Variants in LUZP2 observed in about 807,000 individuals in gnomAD.
LUZP2 encodes leucine zipper protein 2.
LUZP2 carries 52 observed loss-of-function variants against 51.6 expected under a neutral mutation model. That is an observed-to-expected ratio of 1.01 (90% CI 0.81 to 1.27). The LOEUF (loss-of-function observed/expected upper bound fraction) is 1.27. LUZP2 is among the 50% of genes most tolerant of loss of function. LUZP2 has a pLI of 0.00. For synonymous variants in LUZP2, 154 were observed against 137.3 expected (o/e 1.12, Z -0.85); for missense variants, 436 against 395.4 (o/e 1.10, Z -0.87).
At chr11:24,814,137 C>A (rs780199109) in intron 5 of LUZP2, among the ~76,000 whole-genome samples, 42 of 152,166 alleles carry the variant, frequency 2.8e-4, no homozygotes, top group Non-Finnish European at 4.9e-4. Context: ...ACTTTCCCAC[C>A]ATCTTTCTCT....
chr11:24,933,953 T>C (rs1854525351), intron 7 of LUZP2, among the ~76,000 whole-genome samples: 1 of 152,098 alleles, frequency 6.6e-6, no homozygotes, highest in African/African-American at 2.4e-5. Context: ...AAGTACCTTC[T>C]TAAGGGCAAG....
chr11:24,711,236 T>G (rs1027944340), intron 1 of LUZP2, among the ~76,000 whole-genome samples: 2 of 151,954 alleles, frequency 1.3e-5, no homozygotes, highest in Admixed American at 1.3e-4. Flanking sequence ...GATCACGAGG[T>G]CAGGAGATCG....
intron 1 of LUZP2, among the ~76,000 whole-genome samples, chr11:24,668,242 TAAAAC>T (rs892400888): frequency 4.6e-5 from 7 of 152,158 alleles, no homozygotes; most frequent in African/African-American, 1.2e-4. Context: ...TGTTTGGAAA[TAAAAC>T]AAACTAATCT....
intron 7 of LUZP2, among the ~76,000 whole-genome samples, chr11:24,933,800 T>C (rs1285798378): frequency 2.0e-5 from 3 of 152,196 alleles, no homozygotes; most frequent in African/African-American, 4.8e-5. Context: ...GAGGGTTGAG[T>C]CCGAAAAGAG....
At chr11:24,908,425 A>G (rs1853526489) in intron 6 of LUZP2, among the ~76,000 whole-genome samples, 1 of 152,200 alleles carries the variant, frequency 6.6e-6, no homozygotes, top group Non-Finnish European at 1.5e-5. Context: ...CTACTTTTTC[A>G]TCGTCCTTGT....
intron 1 of LUZP2, among the ~76,000 whole-genome samples, chr11:24,667,484 A>G (rs1354502822): frequency 6.6e-6 from 1 of 151,998 alleles, no homozygotes; most frequent in Non-Finnish European, 1.5e-5. Context: ...CGCGTCCACC[A>G]CATGTTCTTA....
intron 1 of LUZP2, among the ~76,000 whole-genome samples, chr11:24,697,553 A>T (rs1366991624): frequency 6.6e-6 from 1 of 152,148 alleles, no homozygotes; most frequent in Non-Finnish European, 1.5e-5. Flanking sequence ...CCATGGAAGA[A>T]ATTTAGTTTG....
chr11:24,807,744 T>C (rs1315741239), intron 5 of LUZP2, among the ~76,000 whole-genome samples: 1 of 152,066 alleles, frequency 6.6e-6, no homozygotes, highest in Non-Finnish European at 1.5e-5. Context: ...AGAACTCCTC[T>C]AGAATGAGGG....
At chr11:24,984,316 T>G (rs1164489208) in intron 9 of LUZP2, among the ~76,000 whole-genome samples, 1 of 151,230 alleles carries the variant, frequency 6.6e-6, no homozygotes, top group Non-Finnish European at 1.5e-5. Context: ...AAATGCTATT[T>G]TCAGGATGGA....
chr11:24,566,940 CATAAATATATATATATATTT>C (rs1852261159), intron 1 of LUZP2, among the ~76,000 whole-genome samples: 1 of 3,278 alleles, frequency 3.1e-4, no homozygotes, highest in African/African-American at 1.2e-3. Flanking sequence ...TATATATATA[CATAAATATATATATATATTT>C]ATATATAAAT....
intron 6 of LUZP2, among the ~76,000 whole-genome samples, chr11:24,912,345 G>A (rs1020205286): frequency 1.3e-5 from 2 of 151,832 alleles, no homozygotes; most frequent in African/African-American, 4.8e-5. Flanking sequence ...AGAAATATCT[G>A]TGAAAAAACT....
At chr11:24,719,446 T>C (rs1858178153) in intron 1 of LUZP2, among the ~76,000 whole-genome samples, 1 of 152,128 alleles carries the variant, frequency 6.6e-6, no homozygotes. Flanking sequence ...CCTGCTGAAG[T>C]CAACAGAAAA....
intron 5 of LUZP2, among the ~76,000 whole-genome samples, chr11:24,870,490 G>GACAC (rs202205920): frequency 0.044 from 6,410 of 145,642 alleles, 181 homozygotes; most frequent in African/African-American, 0.069. Context: ...CACACACACA[G>GACAC]ACACACACAC....
rs116821457 is a variant in LUZP2 at position 25,077,365 on chromosome 11, C to T, written c.895C>T (p.Pro299Ser). 0.028 allele frequency: 45,520 copies of T among 1,612,406 alleles called. 802 individuals are homozygous for T. Among genetic ancestry groups the T allele is most frequent in the Middle Eastern group, 0.082 (494 of 6,056 alleles). The change falls in exon 11 of 12, where the codon CCC becomes TCC. Residue 299 changes from proline (P) to serine (S), a missense_variant. Transcript: ENST00000336930. ...GTGTTCCATGAAGCACAAAGAAAGT[C>T]CCCCAAGTAATGCCACTGCAGAAAC... ...RPCSMKHKES[P>S]PSNATAETEP...
At chr11:24,659,250 G>T (rs1354631805) in intron 1 of LUZP2, among the ~76,000 whole-genome samples, 4 of 152,270 alleles carry the variant, frequency 2.6e-5, no homozygotes, top group Middle Eastern at 3.4e-3. Flanking sequence ...CATAAAAAAT[G>T]ATGAGTTCAT....
At chr11:24,688,484 T>C (rs1270826962) in intron 1 of LUZP2, among the ~76,000 whole-genome samples, 1 of 152,174 alleles carries the variant, frequency 6.6e-6, no homozygotes, top group Non-Finnish European at 1.5e-5. Context: ...AGTAGACATT[T>C]GAGATTTTTG....
chr11:25,038,149 C>G (rs1192285039), intron 9 of LUZP2, among the ~76,000 whole-genome samples: 1 of 152,058 alleles, frequency 6.6e-6, no homozygotes, highest in Non-Finnish European at 1.5e-5. Context: ...GCCAATGAGT[C>G]ATAGATTTTG....
At chr11:24,679,716 A>G (rs1299188134) in intron 1 of LUZP2, among the ~76,000 whole-genome samples, 3 of 152,194 alleles carry the variant, frequency 2.0e-5, no homozygotes, top group Non-Finnish European at 4.4e-5. Flanking sequence ...ACTTGTAAGA[A>G]AAGTGCGAAA....
At chr11:24,653,516 C>G in intron 1 of LUZP2, among the ~76,000 whole-genome samples, 1 of 152,108 alleles carries the variant, frequency 6.6e-6, no homozygotes, top group South Asian at 2.1e-4. Context: ...TATATAAGTC[C>G]GAATTCAGTG....
Sources: allele counts gnomAD v4.1 joint callset (sites outside exome capture counted in the v4.1 genomes callset), GRCh38; gene constraint gnomAD v4.1.1; transcripts MANE v1.5; gene names NCBI Gene and HGNC (gene_info 2026-07-23, HGNC 2026-07-21).